Variants in CYB561A3 observed in about 807,000 individuals in gnomAD.
The protein encoded by CYB561A3 is lysosomal membrane ascorbate-dependent ferrireductase CYB561A3.
In CYB561A3, 16 loss-of-function variants were observed where a neutral mutation model predicts 25.3. The ratio of observed to expected loss-of-function variants is 0.63; its 90% CI spans 0.43 to 0.96. CYB561A3 has a LOEUF of 0.96. Ranked by LOEUF, CYB561A3 falls within the 40% of genes least tolerant of loss-of-function variation. CYB561A3 has a pLI of 0.00. For synonymous variants in CYB561A3, 131 were observed against 129.9 expected (o/e 1.01, Z -0.06); for missense variants, 219 against 307.5 (o/e 0.71, Z 2.15).
chr11:61,350,475 C>T, intron 6 of CYB561A3, 53 bp from the exon 7 acceptor site: 2 of 1,601,754 alleles, frequency 1.2e-6, no homozygotes, highest in Middle Eastern at 3.3e-4. Context: ...AGGAGTCACA[C>T]CAGGCCCAAG....
In CYB561A3 at chr11:61,351,280, C is replaced by CTT; in HGVS notation, c.549-135_549-134dup. On this transcript the variant is annotated intron_variant, in intron 5 of 6. Transcript: ENST00000294072. ...ATATGTGATCTAGAATTTTAACACC[C>CTT]TTTCTTTTTTTTTTTTTTTTTTTTT... is the stretch of plus-strand genomic sequence containing the variant. 18 of 718,866 alleles carry CTT rather than the reference C, an allele frequency of 2.5e-5. No homozygotes were observed. In the South Asian group the frequency reaches 2.9e-4, roughly 12 times the overall value. 44.5% of individuals were successfully genotyped at this position (718,866 alleles called of 1,614,324 possible).
At chr11:61,361,431 T>C (rs1389317286) in intron 1 of CYB561A3, among the ~76,000 whole-genome samples, 2 of 152,170 alleles carry the variant, frequency 1.3e-5, no homozygotes, top group Non-Finnish European at 2.9e-5. Flanking sequence ...CCGGCTCAGG[T>C]GTCCAAAGAA....
chr11:61,350,830 A>T, intron 6 of CYB561A3, 161 bp downstream of exon 6: 1 of 1,019,030 alleles, frequency 9.8e-7, no homozygotes, highest in Non-Finnish European at 1.4e-6. Context: ...CTGGTTTGGG[A>T]CCAGTGCTCC....
intron 1 of CYB561A3, chr11:61,358,176 G>A (rs1857711682): frequency 6.6e-6 from 1 of 152,322 alleles, no homozygotes; most frequent in Non-Finnish European, 1.5e-5. Context: ...TGCACTTTGG[G>A]AGGCTGAGGC....
Position 61,350,201 on chromosome 11 carries a change from C to G in CYB561A3, c.*198G>C, listed in dbSNP as rs1857330647. On this transcript the variant is annotated 3_prime_UTR_variant, in exon 7 of 7. Transcript: ENST00000294072. ...CGGCCGGAGAGGGCAGGCCCAGCACCCAGGCAAAGCCACCAAGGAAAGCAG... is the reference window on the plus strand; with the variant it reads ...CGGCCGGAGAGGGCAGGCCCAGCACGCAGGCAAAGCCACCAAGGAAAGCAG... 1.2e-5 allele frequency: 8 copies of G among 678,776 alleles called. No individual in the cohort carries two copies. The Admixed American group carries it at 1.7e-4, about 15-fold the overall frequency. The allele number at this position is 678,776 out of a possible 1,614,324, so 42.0% of individuals were successfully genotyped here. A position where few individuals can be genotyped will look rare whatever the true frequency, so the allele number is the denominator to read the frequency against.
Position 61,351,041 on chromosome 11 carries a change from G to A in CYB561A3, c.655C>T (p.Leu219=), listed in dbSNP as rs749343023. ...TCTGGGCGCTTCCAAGATGAAGCCA[G>A]AAGGATGTAGAGCACCAGCAGCCCA... ...AFGLLVLYIL[L]ASSWKRPEPG... is the part of the protein sequence containing the mutation. Residue 219 remains leucine, a synonymous_variant, in exon 6 of 7, where the codon CTG becomes TTG. Coordinates refer to ENST00000294072, the MANE Select transcript of CYB561A3 (RefSeq NM_153611.6). The A allele has an allele frequency of 1.2e-6, 2 of 1,614,050 alleles. No homozygotes were observed. The highest frequency in any genetic ancestry group is 2.2e-5 in the South Asian group (2 of 91,072).
intron 2 of CYB561A3, chr11:61,356,956 A>G: frequency 6.9e-7 from 1 of 1,453,940 alleles, no homozygotes; most frequent in Non-Finnish European, 9.0e-7. Context: ...CAGTGCCCAG[A>G]CAGAGCAGCA....
At chr11:61,360,963 G>A (rs1857841731) in intron 1 of CYB561A3, 1 of 141,566 alleles carries the variant, frequency 7.1e-6, no homozygotes, top group East Asian at 2.1e-4. Context: ...GGGCGACAGA[G>A]TGAGACTCTG....
chr11:61,350,874 T>G (rs1857372304), intron 6 of CYB561A3, 117 bp downstream of exon 6: 2 of 1,426,226 alleles, frequency 1.4e-6, no homozygotes, highest in East Asian at 2.5e-5. Context: ...CTCAAGTTAC[T>G]TGGTTTCCTG....
chr11:61,351,233 G>A (rs1019097688), intron 5 of CYB561A3, 86 bp from the exon 6 acceptor site: 3 of 1,427,378 alleles, frequency 2.1e-6, no homozygotes, highest in African/African-American at 1.5e-5. Flanking sequence ...CTAACAGAGG[G>A]TGAGAAAACC....
chr11:61,355,676 C>T (rs1289215110), intron 3 of CYB561A3, among the ~76,000 whole-genome samples: 1 of 144,414 alleles, frequency 6.9e-6, no homozygotes, highest in African/African-American at 2.6e-5. Flanking sequence ...AGCAAAACTC[C>T]ATCTCAAAAA....
At chr11:61,352,147 G>C (rs1857442537) in intron 5 of CYB561A3, 1 of 152,212 alleles carries the variant, frequency 6.6e-6, no homozygotes, top group South Asian at 2.1e-4. Flanking sequence ...CTGACCTTAA[G>C]TCCTAGTTGC....
intron 5 of CYB561A3, 29 bp downstream of exon 5, chr11:61,352,956 C>T (rs1279948148): frequency 4.3e-6 from 7 of 1,613,982 alleles, no homozygotes; most frequent in Non-Finnish European, 5.1e-6. Flanking sequence ...TCCTCTTCAC[C>T]TTAGAGTTGG....
chr11:61,359,276 T>C (rs1428852315), intron 1 of CYB561A3: 1 of 151,512 alleles, frequency 6.6e-6, no homozygotes, highest in Non-Finnish European at 1.5e-5. Flanking sequence ...GGAAAAAGCT[T>C]CCATGAAGCT....
chr11:61,356,620 G>C lies in CYB561A3; in HGVS notation c.94C>G (p.Arg32Gly), dbSNP rs780362419. The C allele has an allele frequency of 6.2e-7, 1 of 1,614,114 alleles. No individual in the cohort carries two copies. Among genetic ancestry groups the C allele is most frequent in the South Asian group, 1.1e-5 (1 of 91,078 alleles). The change falls in exon 3 of 7, where the codon CGT becomes GGT. Residue 32 changes from arginine to glycine, a missense_variant. Arg to Gly is a moderately radical substitution (Grantham distance 125). Transcript: ENST00000294072. ...CTGCCATTCCAGGCAAAGCCACCAC[G>C]CCAGTACTGCATCCAGTAGATAGTG... is the stretch of plus-strand genomic sequence containing the variant. ...LFTIYWMQYW[R>G]GGFAWNGSIY...
chr11:61,358,174 G>C (rs1857711610), intron 1 of CYB561A3: 1 of 152,310 alleles, frequency 6.6e-6, no homozygotes, highest in African/African-American at 2.4e-5. Flanking sequence ...CCTGCACTTT[G>C]GGAGGCTGAG....
In CYB561A3 at chr11:61,350,278, G is replaced by A; in HGVS notation, c.*121C>T. On this transcript the variant is annotated 3_prime_UTR_variant, in exon 7 of 7. Transcript: ENST00000294072. ...AGGCCAGCACCCAGGCAAGAAGTCTGGGCCCAGCATTGGAAGAAAGTCGCC... is the reference window on the plus strand; with the variant it reads ...AGGCCAGCACCCAGGCAAGAAGTCTAGGCCCAGCATTGGAAGAAAGTCGCC... 7.5e-7 allele frequency: 1 copy of A among 1,327,738 alleles called. No individual in the cohort carries two copies. The highest frequency in any genetic ancestry group is 1.0e-6 in the Non-Finnish European group (1 of 964,316). 82.2% of individuals were successfully genotyped at this position (1,327,738 alleles called of 1,614,324 possible).
chr11:61,350,909 G>T, intron 6 of CYB561A3, 82 bp downstream of exon 6: 1 of 1,513,886 alleles, frequency 6.6e-7, no homozygotes, highest in African/African-American at 1.4e-5. Flanking sequence ...AAGTCTTCTT[G>T]TCAAGGCCCC....
At chr11:61,350,959 C>T in intron 6 of CYB561A3, 32 bp downstream of exon 6, 1 of 1,599,284 alleles carries the variant, frequency 6.3e-7, no homozygotes, top group Admixed American at 1.7e-5. Flanking sequence ...CTGGCCCTGT[C>T]CCACCCTGGA....
Sources: gnomAD v4.1 joint callset for allele counts (sites outside exome capture counted in the v4.1 genomes callset) on GRCh38, gnomAD v4.1.1 for gene constraint, MANE v1.5 for transcripts, NCBI Gene and HGNC (gene_info 2026-07-23, HGNC 2026-07-21) for gene names.